Variants in NRXN3 observed in about 807,000 individuals in gnomAD.
NRXN3 encodes neurexin 3, also known as neurexin III.
In NRXN3, 32 loss-of-function variants were observed where a neutral mutation model predicts 137.6. That is an observed-to-expected ratio of 0.23 (90% CI 0.18 to 0.31). The LOEUF is 0.31. Among genes scored for constraint, NRXN3 ranks in the 10% least tolerant of loss-of-function variants. The pLI is 1.00. For synonymous variants in NRXN3, 798 were observed against 784.5 expected (o/e 1.02, Z -0.29); for missense variants, 1,574 against 2,062.5 (o/e 0.76, Z 4.59).
chr14:79,153,093 C>CA (rs2059949297), intron 15 of NRXN3, among the ~76,000 whole-genome samples: 1 of 151,858 alleles, frequency 6.6e-6, no homozygotes, highest in African/African-American at 2.4e-5. Context: ...GAAGGATGGG[C>CA]AAGGAGGTGG....
chr14:79,385,204 T>TCCCCCCCCC (rs557799323), intron 15 of NRXN3, among the ~76,000 whole-genome samples: 7 of 90,494 alleles, frequency 7.7e-5, no homozygotes, highest in East Asian at 2.6e-4. Flanking sequence ...ATGCTATCCT[T>TCCCCCCCCC]CCCCCCGCCC....
intron 8 of NRXN3, among the ~76,000 whole-genome samples, chr14:78,785,988 T>C (rs1167206180): frequency 2.0e-5 from 3 of 152,220 alleles, no homozygotes; most frequent in Non-Finnish European, 4.4e-5. Context: ...ATGATTATCC[T>C]CCTGCTGACT....
At chr14:79,563,042 T>C (rs1472705140) in intron 16 of NRXN3, among the ~76,000 whole-genome samples, 2 of 152,158 alleles carry the variant, frequency 1.3e-5, no homozygotes, top group Admixed American at 1.3e-4. Flanking sequence ...TAAGCTCAAC[T>C]TACTGTAAAC....
rs143029796 is a variant in NRXN3 at position 79,397,002 on chromosome 14, A to G, written c.3263-70219A>G. Among the ~76,000 whole-genome samples the G allele has an allele frequency of 1.8e-3, 274 of 152,306 alleles. 1 individual carries two copies. Among genetic ancestry groups the G allele is most frequent in the African/African-American group, 6.4e-3 (265 of 41,564 alleles). The stretch of plus-strand genomic sequence containing the variant: ...CCTAGTATAATGCTAAAGGAAAAGC[A>G]TACAATCTCTTTGGGGAGGGAGCTG... On this transcript the variant is annotated intron_variant, in intron 15 of 20. Coordinates refer to ENST00000335750, the MANE Select transcript of NRXN3 (RefSeq NM_001330195.2).
intron 15 of NRXN3, among the ~76,000 whole-genome samples, chr14:79,014,585 G>A (rs1208049614): frequency 6.6e-6 from 1 of 152,102 alleles, no homozygotes; most frequent in Non-Finnish European, 1.5e-5. Context: ...GTGTCTTCAT[G>A]GTAGAATAAT....
chr14:78,249,360 G>A (rs1447739785), intron 2 of NRXN3, among the ~76,000 whole-genome samples: 2 of 152,234 alleles, frequency 1.3e-5, no homozygotes, highest in Non-Finnish European at 2.9e-5. Flanking sequence ...CCACAGGACC[G>A]ATGCCGGGGG....
intron 15 of NRXN3, among the ~76,000 whole-genome samples, chr14:79,068,058 C>T (rs1359072321): frequency 1.3e-5 from 2 of 151,724 alleles, no homozygotes; most frequent in African/African-American, 4.8e-5. Flanking sequence ...ATATTTTTTC[C>T]CCTTAAAGAA....
intron 16 of NRXN3, among the ~76,000 whole-genome samples, chr14:79,537,293 CT>C (rs373141370): frequency 0.049 from 7,290 of 148,380 alleles, 240 homozygotes; most frequent in Middle Eastern, 0.13. Flanking sequence ...CCTTTGCCCA[CT>C]TTTTTTTTTA....
intron 4 of NRXN3, among the ~76,000 whole-genome samples, chr14:78,417,940 A>G (rs2093236397): frequency 6.6e-6 from 1 of 152,262 alleles, no homozygotes; most frequent in Admixed American, 6.5e-5. Flanking sequence ...TATTTTTAGT[A>G]GAGACAGTGT....
rs1385248458 is a variant in NRXN3, at chr14:79,088,305, T to C, written c.3262+100164T>C. 1.3e-5 allele frequency among the ~76,000 whole-genome samples: 2 copies of C among 149,484 alleles called. 1 individual carries two copies. Among genetic ancestry groups the C allele is most frequent in the African/African-American group, 5.1e-5 (2 of 38,900 alleles). ...GAAGATCAGCTTAAAATAAAGTGAT[T>C]TGAAGCCCCAGGTGAAATGGGAGCC... On this transcript the variant is annotated intron_variant, in intron 15 of 20. Transcript: ENST00000335750.
intron 10 of NRXN3, among the ~76,000 whole-genome samples, chr14:78,946,010 T>G (rs2099364398): frequency 6.6e-6 from 1 of 152,122 alleles, no homozygotes; most frequent in African/African-American, 2.4e-5. Context: ...AATGTAACCC[T>G]CCAGAAAGGG....
intron 4 of NRXN3, among the ~76,000 whole-genome samples, chr14:78,314,995 T>TTC (rs113353680): frequency 0.17 from 3,134 of 18,790 alleles, 219 homozygotes; most frequent in Middle Eastern, 0.31. Flanking sequence ...TCCTTTCTCT[T>TTC]TCTTTCTTTC....
intron 15 of NRXN3, among the ~76,000 whole-genome samples, chr14:79,413,099 G>A (rs898246411): frequency 1.3e-5 from 2 of 152,062 alleles, no homozygotes; most frequent in Non-Finnish European, 2.9e-5. Context: ...AAGTAAGCAC[G>A]ATCATTGGAG....
intron 4 of NRXN3, among the ~76,000 whole-genome samples, chr14:78,439,098 A>G (rs1231646370): frequency 6.6e-6 from 1 of 152,122 alleles, no homozygotes; most frequent in Non-Finnish European, 1.5e-5. Flanking sequence ...TTTGTAGGAT[A>G]AGTGGGGCTT....
chr14:79,747,902 A>T (rs1308789229), intron 19 of NRXN3, among the ~76,000 whole-genome samples: 1 of 152,130 alleles, frequency 6.6e-6, no homozygotes, highest in Non-Finnish European at 1.5e-5. Context: ...TCATCTATAA[A>T]ATAGAATGCT....
intron 4 of NRXN3, among the ~76,000 whole-genome samples, chr14:78,625,949 A>G (rs1240151142): frequency 6.6e-6 from 1 of 152,218 alleles, no homozygotes; most frequent in East Asian, 1.9e-4. Flanking sequence ...CCATGTCTGT[A>G]GAAGAGACTG....
At chr14:78,537,686 T>C (rs1175131179) in intron 4 of NRXN3, among the ~76,000 whole-genome samples, 1 of 152,252 alleles carries the variant, frequency 6.6e-6, no homozygotes, top group African/African-American at 2.4e-5. Context: ...TCCTTGCCCA[T>C]GCCTATGTAC....
At chr14:79,512,382 A>T (rs1050876971) in intron 16 of NRXN3, among the ~76,000 whole-genome samples, 1 of 152,210 alleles carries the variant, frequency 6.6e-6, no homozygotes, top group Admixed American at 6.5e-5. Flanking sequence ...CCTCCTCCAG[A>T]TGACTATTAG....
chr14:78,318,931 C>T (rs1219600810), intron 4 of NRXN3, among the ~76,000 whole-genome samples: 2 of 152,198 alleles, frequency 1.3e-5, no homozygotes, highest in African/African-American at 4.8e-5. Context: ...ATCATCTGGA[C>T]ATCTTGTTAT....
Sources: allele counts gnomAD v4.1 joint callset (sites outside exome capture counted in the v4.1 genomes callset), GRCh38; gene constraint gnomAD v4.1.1; transcripts MANE v1.5; gene names NCBI Gene and HGNC (gene_info 2026-07-23, HGNC 2026-07-21).